Variants in SLC25A48 observed in about 807,000 individuals in gnomAD.
The protein encoded by SLC25A48 is solute carrier family 25 member 48.
In SLC25A48, 29 loss-of-function variants were observed where a neutral mutation model predicts 32.2. That is an observed-to-expected ratio of 0.90 (90% confidence interval 0.67 to 1.23). SLC25A48 has a LOEUF of 1.23. Ranked by LOEUF, SLC25A48 falls within the 50% of genes most tolerant of loss-of-function variation. SLC25A48 has a pLI of 0.00. For missense variants in SLC25A48, 399 were observed against 422.7 expected (o/e 0.94, Z 0.49); for synonymous variants, 164 against 172.3 (o/e 0.95, Z 0.38).
intron 3 of SLC25A48, among the ~76,000 whole-genome samples, chr5:135,673,109 T>A (rs1412604063): frequency 6.6e-6 from 1 of 152,234 alleles, no homozygotes; most frequent in South Asian, 2.1e-4. Context: ...TATATCACAA[T>A]GTGTTTTTTA....
chr5:135,625,469 C>A (rs1037950500), intron 1 of SLC25A48, among the ~76,000 whole-genome samples: 11 of 152,104 alleles, frequency 7.2e-5, no homozygotes, highest in African/African-American at 2.4e-4. Flanking sequence ...GGTCAGGGTC[C>A]TTCTCATCCA....
chr5:135,808,368 G>A (rs1757512447), intron 3 of SLC25A48, among the ~76,000 whole-genome samples: 2 of 151,602 alleles, frequency 1.3e-5, no homozygotes, highest in Admixed American at 6.6e-5. Context: ...AATTATATCT[G>A]GGGAGGCTAC....
intron 1 of SLC25A48, among the ~76,000 whole-genome samples, chr5:135,597,328 TG>T: frequency 6.6e-6 from 1 of 152,292 alleles, no homozygotes. Context: ...GGGTGGCCAC[TG>T]ATGGGCCTCT....
chr5:135,618,854 ATCT>A (rs1348168292), intron 1 of SLC25A48, among the ~76,000 whole-genome samples: 1 of 149,850 alleles, frequency 6.7e-6, no homozygotes, highest in East Asian at 1.9e-4. Flanking sequence ...CTTCTGAGAA[ATCT>A]TCTGTTAGTC....
At chr5:135,832,746 AG>A (rs1758252565), upstream of SLC25A48, among the ~76,000 whole-genome samples, 1 of 152,218 alleles carries the variant, frequency 6.6e-6, no homozygotes, top group African/African-American at 2.4e-5. Context: ...GTGGGCCACT[AG>A]TTAACAAATG....
intron 4 of SLC25A48, among the ~76,000 whole-genome samples, chr5:135,864,508 C>A (rs1341063111): frequency 6.6e-6 from 1 of 152,076 alleles, no homozygotes; most frequent in Non-Finnish European, 1.5e-5. Flanking sequence ...GAAAAGGGAC[C>A]CAAAATCCTG....
At chr5:135,822,556 C>T (rs920901314) in intron 4 of SLC25A48, among the ~76,000 whole-genome samples, 1 of 152,150 alleles carries the variant, frequency 6.6e-6, no homozygotes, top group African/African-American at 2.4e-5. Flanking sequence ...GACATTCTAC[C>T]TGTGTGTCTG....
intron 3 of SLC25A48, 85 bp from the exon 4 acceptor site, chr5:135,852,478 G>A: frequency 1.3e-6 from 2 of 1,487,948 alleles, no homozygotes; most frequent in Non-Finnish European, 1.8e-6. Flanking sequence ...GGGCAGATGT[G>A]TCCGGTGGTG....
chr5:135,587,426 C>T (rs893817048), intron 1 of SLC25A48, among the ~76,000 whole-genome samples: 8 of 152,180 alleles, frequency 5.3e-5, no homozygotes, highest in African/African-American at 1.2e-4. Context: ...TTCTCAGTCT[C>T]GTTTGCTGTC....
intron 2 of SLC25A48, among the ~76,000 whole-genome samples, chr5:135,630,827 T>C (rs529831396): frequency 6.6e-6 from 1 of 152,032 alleles, no homozygotes; most frequent in African/African-American, 2.4e-5. Context: ...GTCTTGAACT[T>C]GTGACCTCAA....
intron 3 of SLC25A48, among the ~76,000 whole-genome samples, chr5:135,637,461 C>T (rs1422726541): frequency 6.6e-6 from 1 of 152,198 alleles, no homozygotes; most frequent in Non-Finnish European, 1.5e-5. Flanking sequence ...GAGCTTCAGT[C>T]TCTGAAGCCA....
intron 3 of SLC25A48, among the ~76,000 whole-genome samples, chr5:135,689,422 C>T (rs1754092847): frequency 6.6e-6 from 1 of 152,088 alleles, no homozygotes; most frequent in Admixed American, 6.5e-5. Flanking sequence ...ATGGATCATC[C>T]CAAGTGAGGC....
intron 3 of SLC25A48, chr5:135,650,486 T>G (rs575098079): frequency 4.4e-6 from 2 of 455,470 alleles, no homozygotes; most frequent in South Asian, 3.1e-5. Flanking sequence ...AGGAGGGTGC[T>G]GCCTTGGAGA....
At chr5:135,726,096 C>T (rs748830847) in intron 3 of SLC25A48, among the ~76,000 whole-genome samples, 4 of 152,198 alleles carry the variant, frequency 2.6e-5, no homozygotes, top group Non-Finnish European at 5.9e-5. Context: ...ACCACACTTA[C>T]GACTATAGCC....
At chr5:135,833,656 C>T (rs891776164), upstream of SLC25A48, among the ~76,000 whole-genome samples, 18 of 152,110 alleles carry the variant, frequency 1.2e-4, no homozygotes, top group African/African-American at 3.6e-4. Context: ...CTAGCCAGGC[C>T]GGCGACTCCA....
At chr5:135,704,031 A>G (rs902016501) in intron 3 of SLC25A48, among the ~76,000 whole-genome samples, 2 of 152,198 alleles carry the variant, frequency 1.3e-5, no homozygotes, top group African/African-American at 2.4e-5. Context: ...ATCTGTGTCA[A>G]TTTGGACCAT....
intron 1 of SLC25A48, among the ~76,000 whole-genome samples, chr5:135,580,551 G>A (rs1229538369): frequency 1.3e-5 from 2 of 152,216 alleles, no homozygotes; most frequent in African/African-American, 4.8e-5. Flanking sequence ...GCCATGAAAA[G>A]CAAGCAGCGC....
Position 135,793,974 on chromosome 5 carries a change from G to A in SLC25A48, c.-520-18549G>A, listed in dbSNP as rs139754622. Among the ~76,000 whole-genome samples, 386 of 150,922 alleles carry A rather than the reference G, an allele frequency of 2.6e-3. 3 individuals carry two copies. Among genetic ancestry groups the A allele is most frequent in the Middle Eastern group, 0.01 (3 of 294 alleles). On this transcript the variant is annotated intron_variant, in intron 3 of 10. Coordinates refer to the SLC25A48 transcript ENST00000646290. ...AGTTTGTGATATTACACCCAGTATC[G>A]CAGAGGGTGTATACTATTTCTTTGA...
At chr5:135,582,974 G>A (rs1751267175) in intron 1 of SLC25A48, among the ~76,000 whole-genome samples, 1 of 152,168 alleles carries the variant, frequency 6.6e-6, no homozygotes, top group African/African-American at 2.4e-5. Context: ...ATTTATTTGG[G>A]GGTGCATTGT....
Sources: gnomAD v4.1 joint callset for allele counts (sites outside exome capture counted in the v4.1 genomes callset) on GRCh38, gnomAD v4.1.1 for gene constraint, MANE v1.5 for transcripts, NCBI Gene and HGNC (gene_info 2026-07-23, HGNC 2026-07-21) for gene names.